CCDC22: variants seen among roughly 807,000 people sequenced by gnomAD.
CCDC22 encodes CCC complex scaffolding subunit CCDC22.
CCDC22 carries 4 observed loss-of-function variants against 53.1 expected under a neutral mutation model. The ratio of observed to expected loss-of-function variants is 0.08; its 90% CI spans 0.04 to 0.17. The LOEUF is 0.17. Among genes scored for constraint, CCDC22 ranks in the 10% least tolerant of loss-of-function variants. CCDC22 has a pLI of 1.00. For synonymous variants in CCDC22, 222 were observed against 224.4 expected, an observed-to-expected ratio of 0.99 and a Z score of 0.10; for missense variants, 458 against 554.0, an observed-to-expected ratio of 0.83 and a Z score of 1.74.
In CCDC22 at chrX:49,248,393, C is replaced by A; in HGVS notation, c.1213-14C>A. 1 of 1,207,462 alleles carries A rather than the reference C, an allele frequency of 8.3e-7. No individual in the cohort carries two copies. Among genetic ancestry groups the A allele is most frequent in the Non-Finnish European group, 1.1e-6 (1 of 893,163 alleles). ...AGGGCCCAGCCTGTGTGACATGTAC[C>A]CATCCCCCACCAGCTTGTGGTGGAG... On this transcript the variant is annotated splice_polypyrimidine_tract_variant and intron_variant, in intron 10 of 16. Transcript: ENST00000376227.
chrX:49,244,924 C>A (rs1253482619), intron 6 of CCDC22, among the ~76,000 whole-genome samples: 3 of 110,401 alleles, frequency 2.7e-5, no homozygotes, highest in African/African-American at 9.9e-5. Context: ...GTCCCCTCTT[C>A]CCCTCTGTCC....
In CCDC22 at chrX:49,243,316, C is replaced by T. The variant is rs1201800158; in HGVS notation, c.568C>T (p.Leu190Phe). Residue 190 changes from leucine (L) to phenylalanine (F), a missense_variant, in exon 6 of 17, where the codon CTT becomes TTT. This residue lies in a region of CCDC22 where 309 missense variants were observed against 312.3 expected (regional missense o/e 0.99). Coordinates refer to ENST00000376227, the MANE Select transcript of CCDC22 (RefSeq NM_014008.5). ...GGAGTTCCAGGCGAGTCCCCTGCTGCTTCCAGTCCCTACCCAGGTGCCTCA... is the reference window on the plus strand; with the variant it reads ...GGAGTTCCAGGCGAGTCCCCTGCTGTTTCCAGTCCCTACCCAGGTGCCTCA... The part of the protein sequence containing the change: ...PREFQASPLL[L>F]PVPTQVPQPV... 8.3e-7 allele frequency: 1 copy of T among 1,202,290 alleles called. No individual in the cohort carries two copies. The highest frequency in any genetic ancestry group is 1.1e-6 in the Non-Finnish European group (1 of 890,910).
intron 2 of CCDC22, among the ~76,000 whole-genome samples, chrX:49,238,075 CTTTTT>C (rs58787414): frequency 1.2e-5 from 1 of 84,373 alleles, no homozygotes; most frequent in African/African-American, 4.6e-5. Flanking sequence ...TTCTTTTTTT[CTTTTT>C]TTTTTTTTTT....
chrX:49,250,051 G>A, intron 16 of CCDC22, 97 bp from the exon 17 acceptor site: 1 of 536,306 alleles, frequency 1.9e-6, no homozygotes, highest in Admixed American at 2.8e-5. Flanking sequence ...GTTGGAGTTG[G>A]TGGGAGGGGC....
At chrX:49,236,799 T>C (rs782023276) in intron 1 of CCDC22, 21 of 277,527 alleles carry the variant, frequency 7.6e-5, no homozygotes, top group African/African-American at 3.5e-4. Flanking sequence ...CCAGAGATTG[T>C]GCCACCTGGA....
intron 7 of CCDC22, 118 bp from the exon 8 acceptor site, chrX:49,247,378 C>T (rs1602673756): frequency 7.9e-6 from 5 of 634,512 alleles, no homozygotes; most frequent in African/African-American, 2.2e-5. Flanking sequence ...TGGCCACCAT[C>T]GGTGCTTCAG....
At position 49,235,680 on chromosome X, in the gene CCDC22, C is replaced by A; in HGVS notation, c.44C>A (p.Ala15Asp). Residue 15 changes from alanine to aspartate, a missense_variant, in exon 1 of 17, where the codon GCC becomes GAC. Ala to Asp is a moderately radical substitution (Grantham distance 126). Coordinates refer to ENST00000376227, the MANE Select transcript of CCDC22 (RefSeq NM_014008.5). ...ATCCTCATCCATTCGCTGCGCCAGGCCGGCACGTAAGGACAGAGCCCCCGC... is the reference window on the plus strand; with the variant it reads ...ATCCTCATCCATTCGCTGCGCCAGGACGGCACGTAAGGACAGAGCCCCCGC... ...DRILIHSLRQAGTAVPPDVQT... is the reference protein window; with the variant it reads ...DRILIHSLRQDGTAVPPDVQT... The A allele has an allele frequency of 8.4e-7, 1 of 1,186,177 alleles. No individual in the cohort carries two copies. The highest frequency in any genetic ancestry group is 3.1e-5 in the East Asian group (1 of 32,415).
intron 2 of CCDC22, chrX:49,239,369 T>G: frequency 1.0e-5 from 5 of 489,470 alleles, no homozygotes; most frequent in Non-Finnish European, 1.3e-5. Flanking sequence ...GGATTAAACA[T>G]GAGTTAATGT....
chrX:49,246,472 C>T (rs1417762030), intron 6 of CCDC22, among the ~76,000 whole-genome samples: 6 of 112,020 alleles, frequency 5.4e-5, no homozygotes, highest in African/African-American at 1.9e-4. Context: ...CCACCCCCCT[C>T]TCTTCCCACA....
rs1252364363 is a variant in CCDC22 at position 49,249,697 on chromosome X, T to C, written c.1742T>C (p.Met581Thr). The C allele has an allele frequency of 8.3e-7, 1 of 1,208,020 alleles. No individual in the cohort carries two copies. The highest frequency in any genetic ancestry group is 1.8e-5 in the African/African-American group (1 of 57,041). ...IQTIEDTGTI[M>T]REVRDLEEQI... ...ACCATCGAGGACACAGGCACCATCA[T>C]GCGGGAGGTTCGAGACCTCGAGGAG... Residue 581 changes from methionine (M) to threonine (T), a missense_variant, in exon 16 of 17, where the codon ATG becomes ACG. Met to Thr is a moderately conservative substitution (Grantham distance 81). Coordinates refer to ENST00000376227, the MANE Select transcript of CCDC22 (RefSeq NM_014008.5).
chrX:49,247,003 C>G, intron 7 of CCDC22, 78 bp downstream of exon 7: 1 of 842,206 alleles, frequency 1.2e-6, no homozygotes, highest in Non-Finnish European at 1.7e-6. Context: ...CAGCACCACA[C>G]CTTTATCCAC....
chrX:49,247,621 C>A, intron 8 of CCDC22, 28 bp from the exon 9 acceptor site: 1 of 1,185,495 alleles, frequency 8.4e-7, no homozygotes. Flanking sequence ...GCCTGACACC[C>A]CAACCCTGAC....
chrX:49,245,354 T>G (rs1004837571), intron 6 of CCDC22, among the ~76,000 whole-genome samples: 5 of 111,798 alleles, frequency 4.5e-5, no homozygotes, highest in Admixed American at 9.6e-5. Context: ...CTGTGTCTTT[T>G]TACATTTTTA....
intron 2 of CCDC22, 69 bp from the exon 3 acceptor site, chrX:49,241,947 G>T (rs2065965674): frequency 1.7e-6 from 2 of 1,162,426 alleles, no homozygotes; most frequent in Admixed American, 2.3e-5. Flanking sequence ...AGCGTTTTCA[G>T]CCTAGGCCCA....
intron 15 of CCDC22, 36 bp from the exon 16 acceptor site, chrX:49,249,615 G>GGGGGGGGGGGGGGGGA: frequency 2.5e-6 from 1 of 406,815 alleles, no homozygotes; most frequent in Non-Finnish European, 4.5e-6. Flanking sequence ...GGGTGGGTGG[G>GGGGGGGGGGGGGGGGA]ACTGGGTGCA....
At chrX:49,249,142 TC>T in intron 13 of CCDC22, 24 bp from the exon 14 acceptor site, 1 of 1,181,508 alleles carries the variant, frequency 8.5e-7, no homozygotes, top group East Asian at 3.0e-5. Flanking sequence ...AGGCAGGGGC[TC>T]ATGGCTGCCA....
At chrX:49,240,759 T>C (rs2065960111) in intron 2 of CCDC22, among the ~76,000 whole-genome samples, 1 of 111,806 alleles carries the variant, frequency 8.9e-6, no homozygotes, top group African/African-American at 3.3e-5. Flanking sequence ...CTCCATATTT[T>C]GGCACCTTCC....
At chrX:49,240,209 C>G (rs1229056694) in intron 2 of CCDC22, among the ~76,000 whole-genome samples, 3 of 100,229 alleles carry the variant, frequency 3.0e-5, no homozygotes, top group African/African-American at 1.1e-4. Context: ...GCTGTGATTG[C>G]GCCACTGCAC....
Position 49,235,619 on chromosome X carries a change from C to T in CCDC22, c.-18C>T. 1 of 1,172,723 alleles carries T rather than the reference C, an allele frequency of 8.5e-7. No homozygotes were observed. Among genetic ancestry groups the T allele is most frequent in the Non-Finnish European group, 1.1e-6 (1 of 875,165 alleles). On this transcript the variant is annotated 5_prime_UTR_variant, in exon 1 of 17. Transcript: ENST00000376227. ...ACCCGGTCCTGGACCCAGCCCCCGA[C>T]TCCGACACGGCTCCACCATGGAGGA...
Sources: gnomAD v4.1 joint callset for allele counts (sites outside exome capture counted in the v4.1 genomes callset) on GRCh38, gnomAD v4.1.1 for gene constraint, gnomAD v4.1.1 regional missense constraint, MANE v1.5 for transcripts, NCBI Gene and HGNC (gene_info 2026-07-23, HGNC 2026-07-21) for gene names.